PSG9: variants seen among roughly 807,000 people sequenced by gnomAD.
The protein encoded by PSG9 is pregnancy-specific beta-1-glycoprotein 9.
Under a neutral mutation model 41.9 loss-of-function variants are expected in PSG9, and 49 were observed. That is an observed-to-expected ratio of 1.17 (90% CI 0.93 to 1.48). The LOEUF (loss-of-function observed/expected upper bound fraction) is 1.48. PSG9 is among the 40% of genes most tolerant of loss of function. PSG9 has a pLI of 0.00. For synonymous variants in PSG9, 263 were observed against 196.8 expected (o/e 1.34, Z -2.82); for missense variants, 641 against 520.3 (o/e 1.23, Z -2.26).
intron 5 of PSG9, chr19:43,257,623 A>G: frequency 6.0e-6 from 6 of 999,900 alleles, no homozygotes; most frequent in Non-Finnish European, 7.1e-6. Flanking sequence ...AGCTCAATTT[A>G]GCCAAATTCA....
rs1969042416 is a variant in PSG9, at chr19:43,267,798, G to A, written c.416C>T (p.Thr139Ile). The A allele has an allele frequency of 2.5e-6, 4 of 1,612,942 alleles. No homozygotes were observed. Among genetic ancestry groups the A allele is most frequent in the South Asian group, 1.1e-5 (1 of 90,928 alleles). Residue 139 changes from threonine to isoleucine, a missense_variant, in exon 2 of 6, where the codon ACC becomes ATC. Physicochemically the swap from Thr to Ile is moderately conservative, Grantham distance 89. Coordinates refer to ENST00000270077, the MANE Select transcript of PSG9 (RefSeq NM_002784.5). Reference protein sequence around the residue: ...DETREEIRHFTFTLYLETPKP... With the variant: ...DETREEIRHFIFTLYLETPKP... ...GAATCACTCACAGTATAAGGTGAAG[G>A]TGAAATGTCGAATTTCTTCTCTAGT...
intron 5 of PSG9, chr19:43,257,348 G>C (rs945640484): frequency 4.7e-5 from 45 of 952,220 alleles, no homozygotes; most frequent in Non-Finnish European, 5.2e-5. Flanking sequence ...TATATATAAA[G>C]TGTCTGGTAG....
In PSG9 at chr19:43,268,070, C is replaced by T. The variant is rs1969064266; in HGVS notation, c.144G>A (p.Gly48=). 1 of 1,613,648 alleles carries T rather than the reference C, an allele frequency of 6.2e-7. No homozygotes were observed. The highest frequency in any genetic ancestry group is 1.7e-5 in the Admixed American group (1 of 59,958). Residue 48 remains glycine, a synonymous_variant, in exon 2 of 6, where the codon GGG becomes GGA. Transcript: ENST00000270077. ...TGTGGACAAGTAGAAGAACATCCTT[C>T]CCCTCAGAAACTTTGGGTGGCTGGG... The part of the protein sequence containing the change: ...IEAQPPKVSE[G]KDVLLLVHNL...
intron 2 of PSG9, among the ~76,000 whole-genome samples, chr19:43,266,267 G>C (rs370739415): frequency 6.6e-6 from 1 of 152,048 alleles, no homozygotes; most frequent in African/African-American, 2.4e-5. Flanking sequence ...GGCTTTAGGG[G>C]CAAGAGGTAG....
chr19:43,258,122 A>C, intron 5 of PSG9, 80 bp downstream of exon 5: 1 of 1,590,732 alleles, frequency 6.3e-7, no homozygotes, highest in Non-Finnish European at 8.5e-7. Context: ...TGGGAATAAA[A>C]ATGTTTTCCT....
chr19:43,257,614 G>A, intron 5 of PSG9: 6 of 996,100 alleles, frequency 6.0e-6, no homozygotes, highest in Non-Finnish European at 7.1e-6. Context: ...TCAACTGGCA[G>A]CTCAATTTAG....
At chr19:43,261,762 T>C in intron 3 of PSG9, 98 bp downstream of exon 3, 6 of 1,611,228 alleles carry the variant, frequency 3.7e-6, no homozygotes, top group Non-Finnish European at 4.2e-6. Context: ...GGGGTAAAGG[T>C]CTCTGTACTT....
At position 43,260,520 on chromosome 19, in the gene PSG9, A is replaced by T. The variant is rs962811715; in HGVS notation, c.709+1340T>A. On this transcript the variant is annotated intron_variant, in intron 3 of 5. Transcript: ENST00000270077. ...TTTTTTTTTCTCTCACCACTTTTCT[A>T]GCTTGATGATTAGTTTTTGGTCAAT... 6.1e-5 allele frequency: 9 copies of T among 146,622 alleles called. 1 individual carries two copies. The highest frequency in any genetic ancestry group is 2.3e-4 in the African/African-American group (9 of 38,572). The allele number at this position is 146,622 out of a possible 1,614,324, so 9.1% of individuals were successfully genotyped here. A position where few individuals can be genotyped will look rare whatever the true frequency, so the allele number is the denominator to read the frequency against.
chr19:43,267,152 G>C (rs1434607919), intron 2 of PSG9, among the ~76,000 whole-genome samples: 2 of 152,124 alleles, frequency 1.3e-5, no homozygotes, highest in Non-Finnish European at 2.9e-5. Context: ...GCAGTTGGCT[G>C]ATGTCCTACA....
At position 43,259,317 on chromosome 19, in the gene PSG9, G is replaced by A. The variant is rs533589063; in HGVS notation, c.710-182C>T. On this transcript the variant is annotated intron_variant, in intron 3 of 5. Transcript: ENST00000270077. ...CTAAGGGCTCAAAGACTGTGAGGCC[G>A]CCTGCTCTGTCTTAGGGAAGCACAG... 2.2e-4 allele frequency: 255 copies of A among 1,178,096 alleles called. 20 individuals are homozygous for A. Among genetic ancestry groups the A allele is most frequent in the South Asian group, 1.3e-3 (79 of 62,518 alleles). 73.0% of individuals were successfully genotyped at this position (1,178,096 alleles called of 1,614,324 possible).
intron 3 of PSG9, 85 bp from the exon 4 acceptor site, chr19:43,259,220 C>T: frequency 6.5e-7 from 1 of 1,529,880 alleles, no homozygotes; most frequent in South Asian, 1.2e-5. Flanking sequence ...TGGCATCTCC[C>T]ACCTCTCAGC....
At chr19:43,256,350 C>T (rs1326527165) in intron 5 of PSG9, among the ~76,000 whole-genome samples, 1 of 146,466 alleles carries the variant, frequency 6.8e-6, no homozygotes, top group African/African-American at 2.6e-5. Flanking sequence ...TCGGACTTCA[C>T]AAAAATCAAA....
intron 2 of PSG9, among the ~76,000 whole-genome samples, chr19:43,265,693 C>A (rs1968932716): frequency 6.6e-6 from 1 of 152,102 alleles, no homozygotes; most frequent in Non-Finnish European, 1.5e-5. Context: ...CTACAGACCA[C>A]CATTTCAATA....
Position 43,264,205 on chromosome 19 carries a change from C to G in PSG9, c.431-2067G>C, listed in dbSNP as rs116918501. Among the ~76,000 whole-genome samples, 676 of 152,212 alleles carry G rather than the reference C, an allele frequency of 4.4e-3. 3 individuals are homozygous for G. Among genetic ancestry groups the G allele is most frequent in the Middle Eastern group, 0.014 (4 of 294 alleles). ...ACCTCCAACTGGTCCCCAAAAACCA[C>G]CAGTATTCCCATTATGTGTATGTTA... On this transcript the variant is annotated intron_variant, in intron 2 of 5. Coordinates refer to ENST00000270077, the MANE Select transcript of PSG9 (RefSeq NM_002784.5).
chr19:43,255,305 T>C (rs1449332963), intron 5 of PSG9, among the ~76,000 whole-genome samples: 1 of 146,260 alleles, frequency 6.8e-6, no homozygotes, highest in African/African-American at 2.6e-5. Context: ...TAAAAGCATT[T>C]GATGAATTCA....
At chr19:43,254,687 A>G (rs1226576027) in intron 5 of PSG9, among the ~76,000 whole-genome samples, 4 of 146,474 alleles carry the variant, frequency 2.7e-5, no homozygotes, top group Non-Finnish European at 5.9e-5. Context: ...AATAGAGGAA[A>G]TTAATGAAAC....
chr19:43,262,683 G>T (rs141485171), intron 2 of PSG9, among the ~76,000 whole-genome samples: 3 of 152,126 alleles, frequency 2.0e-5, no homozygotes, highest in Admixed American at 6.5e-5. Context: ...GAGTCAAGCC[G>T]GGAGGTCAGT....
chr19:43,266,892 A>G (rs117806098), intron 2 of PSG9, among the ~76,000 whole-genome samples: 18,310 of 152,010 alleles, frequency 0.12, 1,559 homozygotes, highest in East Asian at 0.37. Flanking sequence ...AATCAAATAA[A>G]CTAAATGGCA....
intron 1 of PSG9, among the ~76,000 whole-genome samples, 179 bp downstream of exon 1, chr19:43,269,189 A>G (rs1381692664): frequency 1.3e-5 from 2 of 151,770 alleles, no homozygotes; most frequent in Non-Finnish European, 2.9e-5. Flanking sequence ...TATTTTTAGG[A>G]GAGACTGGGC....
Sources: gnomAD v4.1 joint callset for allele counts (sites outside exome capture counted in the v4.1 genomes callset) on GRCh38, gnomAD v4.1.1 for gene constraint, MANE v1.5 for transcripts, NCBI Gene and HGNC (gene_info 2026-07-23, HGNC 2026-07-21) for gene names.